SETBP1: variants seen among roughly 807,000 people sequenced by gnomAD.
SETBP1 encodes SET-binding protein.
In SETBP1, 9 loss-of-function variants were observed where a neutral mutation model predicts 101.0. That is an observed-to-expected ratio of 0.09 (90% confidence interval 0.05 to 0.16). The LOEUF (loss-of-function observed/expected upper bound fraction) is 0.16. Ranked by LOEUF, SETBP1 falls within the 10% of genes least tolerant of loss-of-function variation. The pLI is 1.00. For missense variants in SETBP1, 1,858 were observed against 2,033.8 expected, an observed-to-expected ratio of 0.91 and a Z score of 1.66; for synonymous variants, 818 against 788.5, an observed-to-expected ratio of 1.04 and a Z score of -0.63.
At chr18:44,772,779 AT>A (rs1325056143) in intron 2 of SETBP1, among the ~76,000 whole-genome samples, 1 of 152,184 alleles carries the variant, frequency 6.6e-6, no homozygotes, top group East Asian at 1.9e-4. Flanking sequence ...CGTGGGGAAC[AT>A]TCTGAGAATT....
intron 3 of SETBP1, chr18:44,870,747 T>G (rs775996153): frequency 4.6e-5 from 7 of 152,126 alleles, no homozygotes; most frequent in Non-Finnish European, 8.8e-5. Flanking sequence ...TAAAGGAAAT[T>G]GTGTGGTGCT....
rs932082184 is a variant in SETBP1, at chr18:45,065,108, C to A, written c.*1410C>A. ...AATGGTCAATTTCAGCTGTACATTT[C>A]TCATCCAAGTTGTACTCTAGCCATT... On this transcript the variant is annotated 3_prime_UTR_variant, in exon 6 of 6. Transcript: ENST00000649279. 2 of 152,172 alleles carry A rather than the reference C, an allele frequency of 1.3e-5. No homozygotes were observed. The highest frequency in any genetic ancestry group is 4.8e-5 in the African/African-American group (2 of 41,452). 9.4% of individuals were successfully genotyped at this position (152,172 alleles called of 1,614,324 possible). A position where few individuals can be genotyped will look rare whatever the true frequency, so the allele number is the denominator to read the frequency against.
rs143398298 is a variant in SETBP1, at chr18:45,020,773, C to T, written c.4001-17712C>T. Among the ~76,000 whole-genome samples, 361 of 152,314 alleles carry T rather than the reference C, an allele frequency of 2.4e-3. 1 individual carries two copies. The highest frequency in any genetic ancestry group is 8.3e-3 in the African/African-American group (345 of 41,568). The stretch of plus-strand genomic sequence containing the variant: ...ACCATGCACTGAACACCTGAAGTCA[C>T]CTCTGTATGGAGATGCTCCTGTCCA... On this transcript the variant is annotated intron_variant, in intron 4 of 5. Transcript: ENST00000649279.
chr18:44,744,783 C>CAAA (rs72462551), intron 2 of SETBP1, among the ~76,000 whole-genome samples: 9 of 135,032 alleles, frequency 6.7e-5, no homozygotes, highest in African/African-American at 2.2e-4. Flanking sequence ...AAAAAAAAAA[C>CAAA]AAAAAAAAAA....
chr18:44,789,388 T>C (rs546711681), intron 2 of SETBP1, among the ~76,000 whole-genome samples: 122 of 152,362 alleles, frequency 8.0e-4, no homozygotes, highest in African/African-American at 2.8e-3. Context: ...AATTGATTTA[T>C]TGAAATAACG....
At chr18:44,874,012 C>A (rs1250746978) in intron 3 of SETBP1, among the ~76,000 whole-genome samples, 1 of 152,156 alleles carries the variant, frequency 6.6e-6, no homozygotes, top group African/African-American at 2.4e-5. Context: ...GCTCTGCACC[C>A]CAGCGTGCCA....
intron 2 of SETBP1, among the ~76,000 whole-genome samples, chr18:44,730,246 T>G (rs908133980): frequency 6.6e-6 from 1 of 152,228 alleles, no homozygotes; most frequent in African/African-American, 2.4e-5. Flanking sequence ...TCAAACAAGT[T>G]TTATTCTGTC....
chr18:44,961,812 G>A (rs1300799799), intron 4 of SETBP1, among the ~76,000 whole-genome samples: 1 of 152,138 alleles, frequency 6.6e-6, no homozygotes, highest in Admixed American at 6.5e-5. Flanking sequence ...TCCTTTCTGT[G>A]GTACCTTGGG....
chr18:44,748,376 G>A (rs1479483768), intron 2 of SETBP1, among the ~76,000 whole-genome samples: 1 of 152,254 alleles, frequency 6.6e-6, no homozygotes, highest in Non-Finnish European at 1.5e-5. Context: ...AGAAAATAAG[G>A]AGAGCAAACA....
intron 3 of SETBP1, among the ~76,000 whole-genome samples, chr18:44,907,252 T>C (rs1156879494): frequency 6.6e-6 from 1 of 152,246 alleles, no homozygotes; most frequent in African/African-American, 2.4e-5. Context: ...ATCCATTCAA[T>C]AGCTGATAGA....
chr18:44,750,089 G>A (rs1260937584), intron 2 of SETBP1, among the ~76,000 whole-genome samples: 1 of 152,214 alleles, frequency 6.6e-6, no homozygotes, highest in Non-Finnish European at 1.5e-5. Context: ...GGGCTTAATT[G>A]CCAAAGAGGA....
chr18:44,725,591 C>T (rs1269042874), intron 2 of SETBP1, among the ~76,000 whole-genome samples: 1 of 152,174 alleles, frequency 6.6e-6, no homozygotes, highest in African/African-American at 2.4e-5. Context: ...TCACCAGGAC[C>T]TTTCCTGAAT....
chr18:44,834,930 C>A (rs577019959), intron 2 of SETBP1, among the ~76,000 whole-genome samples: 1 of 152,234 alleles, frequency 6.6e-6, no homozygotes, highest in South Asian at 2.1e-4. Context: ...GAAACAGGAG[C>A]AGTTTTCTAA....
Position 44,869,286 on chromosome 18 carries a change from A to G in SETBP1, c.540+3A>G. The stretch of plus-strand genomic sequence containing the variant: ...ACCTCAAAGGATTTCAGCCACAGGT[A>G]AGTTCCACTGATGCTTTTAAGAAGT... On this transcript the variant is annotated splice_donor_region_variant and intron_variant, in intron 3 of 5. Transcript: ENST00000649279. 6.2e-7 allele frequency: 1 copy of G among 1,613,700 alleles called. No homozygotes were observed. The highest frequency in any genetic ancestry group is 1.7e-5 in the Admixed American group (1 of 60,026).
intron 5 of SETBP1, among the ~76,000 whole-genome samples, chr18:45,049,592 A>G (rs1408889883): frequency 1.3e-5 from 2 of 152,184 alleles, no homozygotes; most frequent in Non-Finnish European, 2.9e-5. Flanking sequence ...AATTTTCCCC[A>G]TTAAATGTGC....
intron 2 of SETBP1, among the ~76,000 whole-genome samples, chr18:44,745,222 C>A (rs2070210257): frequency 1.3e-5 from 2 of 152,282 alleles, no homozygotes; most frequent in South Asian, 4.1e-4. Context: ...TATAATCATT[C>A]GTGTATATTC....
chr18:44,705,015 C>G (rs2069189249), intron 2 of SETBP1, among the ~76,000 whole-genome samples: 3 of 152,070 alleles, frequency 2.0e-5, no homozygotes, highest in Admixed American at 2.0e-4. Context: ...AATATATGTG[C>G]TGACTTTGAG....
In SETBP1 at chr18:44,770,554, A is replaced by G. The variant is rs540705546; in HGVS notation, c.486+68722A>G. Among the ~76,000 whole-genome samples the G allele has an allele frequency of 2.0e-5, 3 of 152,138 alleles. No homozygotes were observed. In the East Asian group the frequency reaches 5.8e-4, roughly 29 times the overall value. ...TCGTGTTTTCATCTATTGCACTTGG[A>G]TGTTTCATGACAAATATCTCACCCT... On this transcript the variant is annotated intron_variant, in intron 2 of 5. Transcript: ENST00000649279.
chr18:44,952,928 G>A lies in SETBP1; in HGVS notation c.3588G>A (p.Glu1196=), dbSNP rs779614926. 5.0e-6 allele frequency: 8 copies of A among 1,614,066 alleles called. No individual in the cohort carries two copies. The Admixed American group carries it at 1.3e-4, about 27-fold the overall frequency. ...LSERLSSADK[E]LPLVSEKNKH... ...AGCGGCTGAGTAGCGCAGACAAAGA[G>A]CTCCCGCTGGTGAGTGAGAAGAACA... The change falls in exon 4 of 6, where the codon GAG becomes GAA. Residue 1196 remains glutamate (E), a synonymous_variant. Coordinates refer to ENST00000649279, the MANE Select transcript of SETBP1 (RefSeq NM_015559.3).
Sources: gnomAD v4.1 joint callset for allele counts (sites outside exome capture counted in the v4.1 genomes callset) on GRCh38, gnomAD v4.1.1 for gene constraint, MANE v1.5 for transcripts, NCBI Gene and HGNC (gene_info 2026-07-23, HGNC 2026-07-21) for gene names.